The following GKAP1 variants were observed in gnomAD, a reference collection of about 807,000 sequenced individuals.
The protein encoded by GKAP1 is G kinase-anchoring protein 1.
GKAP1 carries 31 observed loss-of-function variants against 56.7 expected under a neutral mutation model. The ratio of observed to expected loss-of-function variants is 0.55; its 90% CI spans 0.41 to 0.74. The LOEUF (loss-of-function observed/expected upper bound fraction) is 0.74. GKAP1 is among the 30% of genes least tolerant of loss of function. The pLI is 0.00. For synonymous variants in GKAP1, 151 were observed against 138.6 expected, an observed-to-expected ratio of 1.09 and a Z score of -0.63; for missense variants, 364 against 402.3, an observed-to-expected ratio of 0.90 and a Z score of 0.82.
intron 9 of GKAP1, among the ~76,000 whole-genome samples, chr9:83,749,660 T>G (rs974918285): frequency 2.0e-5 from 3 of 152,158 alleles, no homozygotes; most frequent in African/African-American, 7.2e-5. Context: ...AACATATACA[T>G]AGATATGTAT....
intron 2 of GKAP1, among the ~76,000 whole-genome samples, chr9:83,810,531 C>G (rs1326309090): frequency 6.6e-6 from 1 of 152,132 alleles, no homozygotes; most frequent in South Asian, 2.1e-4. Flanking sequence ...TAGTTCAGTA[C>G]AGACACCTTT....
chr9:83,769,055 T>G (rs1943713131), intron 7 of GKAP1, 85 bp from the exon 8 acceptor site: 1 of 1,011,862 alleles, frequency 9.9e-7, no homozygotes, highest in Non-Finnish European at 1.5e-6. Flanking sequence ...AGAAGGGATA[T>G]GCATTTAGTA....
rs544100669 is a variant in GKAP1 at position 83,793,146 on chromosome 9, T to C, written c.361-4468A>G. ...GTACTAACATTTTTTAAAAATTAAT[T>C]TGTAAGTCTAAGTACCATTACAATT... On this transcript the variant is annotated intron_variant, in intron 4 of 12. Coordinates refer to ENST00000376371, the MANE Select transcript of GKAP1 (RefSeq NM_025211.4). 3.0e-5 allele frequency: 7 copies of C among 236,448 alleles called. No homozygotes were observed. In the South Asian group the frequency reaches 3.4e-4, roughly 11 times the overall value. The allele number at this position is 236,448 out of a possible 1,614,324, so 14.6% of individuals were successfully genotyped here. A position where few individuals can be genotyped will look rare whatever the true frequency, so the allele number is the denominator to read the frequency against.
intron 7 of GKAP1, among the ~76,000 whole-genome samples, chr9:83,774,130 C>CA (rs1943810642): frequency 6.6e-6 from 1 of 151,948 alleles, no homozygotes; most frequent in Non-Finnish European, 1.5e-5. Context: ...CTCGGCCTCC[C>CA]AAAGTGCTGG....
chr9:83,799,066 GAATT>G (rs1360112598), intron 4 of GKAP1, 115 bp downstream of exon 4: 1 of 799,880 alleles, frequency 1.3e-6, no homozygotes, highest in Non-Finnish European at 2.0e-6. Context: ...CAACAAATAT[GAATT>G]AATCCAATAC....
intron 2 of GKAP1, among the ~76,000 whole-genome samples, chr9:83,810,958 C>T (rs1375196953): frequency 2.0e-5 from 3 of 152,194 alleles, no homozygotes; most frequent in Non-Finnish European, 4.4e-5. Context: ...TCTGTACAGC[C>T]TGTGACTGTA....
rs759286917 is a variant in GKAP1, at chr9:83,814,004, GT to G, written c.-44+2991del. 1.0e-3 allele frequency among the ~76,000 whole-genome samples: 157 copies of G among 152,218 alleles called. 1 individual carries two copies. Among genetic ancestry groups the G allele is most frequent in the Middle Eastern group, 6.8e-3 (2 of 294 alleles). ...GGTCCCAGCTACTTGGGAGGCTAAGGTGGTAGGATCACCTGAGCCTGGGGGT... is the reference window on the plus strand; with the variant it reads ...GGTCCCAGCTACTTGGGAGGCTAAGGGGTAGGATCACCTGAGCCTGGGGGT... On this transcript the variant is annotated intron_variant, in intron 2 of 12. Coordinates refer to ENST00000376371, the MANE Select transcript of GKAP1 (RefSeq NM_025211.4).
rs558401198 is a variant in GKAP1 at position 83,802,805 on chromosome 9, AAGAG to A, written c.217-3481_217-3478del. Among the ~76,000 whole-genome samples the A allele has an allele frequency of 5.4e-3, 823 of 151,964 alleles. 3 individuals are homozygous for A. Among genetic ancestry groups the A allele is most frequent in the Non-Finnish European group, 9.1e-3 (621 of 67,962 alleles). On this transcript the variant is annotated intron_variant, in intron 3 of 12. Transcript: ENST00000376371. ...CATGCCACTGAACTCCAGCCTGGAC[AAGAG>A]AGAGAGATTCTGTCTTCTCTTTAAA...
At position 83,806,311 on chromosome 9, in the gene GKAP1, T is replaced by C; in HGVS notation, c.207A>G (p.Glu69=). 2 of 1,546,664 alleles carry C rather than the reference T, an allele frequency of 1.3e-6. No homozygotes were observed. Reference sequence around the variant, plus strand: ...CAGATAATTGTGTTACCTCATTTGCTTCACTCTGTTGCTGTTCCTTCTTTT... The same window carrying C: ...CAGATAATTGTGTTACCTCATTTGCCTCACTCTGTTGCTGTTCCTTCTTTT... ...RRKKKEQQQS[E]ANELRNLAFK... is the part of the protein sequence containing the mutation. The change falls in exon 3 of 13, where the codon GAA becomes GAG. Residue 69 remains glutamate (E), a synonymous_variant. Transcript: ENST00000376371.
chr9:83,801,256 A>G (rs1364896485), intron 3 of GKAP1, among the ~76,000 whole-genome samples: 1 of 152,208 alleles, frequency 6.6e-6, no homozygotes, highest in Non-Finnish European at 1.5e-5. Context: ...GCTGCCACCC[A>G]GAAGCTAGAA....
At chr9:83,799,692 C>T (rs906546256) in intron 3 of GKAP1, among the ~76,000 whole-genome samples, 1 of 152,108 alleles carries the variant, frequency 6.6e-6, no homozygotes, top group Non-Finnish European at 1.5e-5. Context: ...AGTGGCTCAC[C>T]CCTCTAATCT....
chr9:83,742,519 C>T lies in GKAP1; in HGVS notation c.975+11G>A, dbSNP rs1235013667. ...AAGAAAACCAGTCATGTATGCTCCA[C>T]AGTTCCTTACCTGAATAGTGAGCTC... On this transcript the variant is annotated intron_variant, in intron 11 of 12. Transcript: ENST00000376371. The T allele has an allele frequency of 6.3e-7, 1 of 1,591,100 alleles. No individual in the cohort carries two copies. Among genetic ancestry groups the T allele is most frequent in the South Asian group, 1.1e-5 (1 of 89,954 alleles).
chr9:83,746,715 A>C (rs1417855732), intron 10 of GKAP1, among the ~76,000 whole-genome samples: 1 of 107,334 alleles, frequency 9.3e-6, no homozygotes, highest in Non-Finnish European at 2.2e-5. Context: ...AAATAAATAA[A>C]TAACAATTTA....
chr9:83,751,594 A>C (rs941038921), intron 9 of GKAP1, among the ~76,000 whole-genome samples: 3 of 152,248 alleles, frequency 2.0e-5, no homozygotes, highest in African/African-American at 7.2e-5. Context: ...AGGGAAATGT[A>C]AGAACCATCA....
intron 6 of GKAP1, among the ~76,000 whole-genome samples, chr9:83,781,314 G>T (rs899841964): frequency 6.6e-6 from 1 of 152,206 alleles, no homozygotes; most frequent in Admixed American, 6.5e-5. Context: ...AGAGAGCCAG[G>T]ATCATGCTAC....
Position 83,745,795 on chromosome 9 carries a change from A to AT in GKAP1, c.904+2513dup, listed in dbSNP as rs534829233. 5.2e-3 allele frequency among the ~76,000 whole-genome samples: 756 copies of AT among 145,316 alleles called. 6 individuals carry two copies. The highest frequency in any genetic ancestry group is 0.01 in the South Asian group (47 of 4,570). On this transcript the variant is annotated intron_variant, in intron 10 of 12. Transcript: ENST00000376371. ...ATGTCCAAATAATATTTTTCCCCGT[A>AT]TTTTTTTTTTTTTGAGACAAAGTCT...
At chr9:83,817,231 C>T (rs1231885688) in intron 1 of GKAP1, 104 bp from the exon 2 acceptor site, 2 of 151,840 alleles carry the variant, frequency 1.3e-5, no homozygotes, top group Admixed American at 6.6e-5. Context: ...GACGGTGGCA[C>T]CTGTCACTCG....
intron 2 of GKAP1, among the ~76,000 whole-genome samples, chr9:83,813,572 T>G (rs766894473): frequency 1.3e-5 from 2 of 152,164 alleles, no homozygotes; most frequent in Non-Finnish European, 2.9e-5. Context: ...CCAGGCAACA[T>G]AGCAAAACCG....
intron 2 of GKAP1, among the ~76,000 whole-genome samples, chr9:83,813,956 C>T (rs1306203884): frequency 6.6e-6 from 1 of 152,082 alleles, no homozygotes; most frequent in African/African-American, 2.4e-5. Flanking sequence ...CAACAGTTAG[C>T]AGGCATAGTG....
Sources: gnomAD v4.1 joint callset for allele counts (sites outside exome capture counted in the v4.1 genomes callset) on GRCh38, gnomAD v4.1.1 for gene constraint, MANE v1.5 for transcripts, NCBI Gene and HGNC (gene_info 2026-07-23, HGNC 2026-07-21) for gene names.